The following KRAS variants were observed in gnomAD, a reference collection of about 807,000 sequenced individuals.
The protein encoded by KRAS is GTPase KRas.
Under a neutral mutation model 21.0 loss-of-function variants are expected in KRAS, and 1 was observed. That is an observed-to-expected ratio of 0.05 (90% CI 0.02 to 0.23). The LOEUF is 0.23. Ranked by LOEUF, KRAS falls within the 10% of genes least tolerant of loss-of-function variation. The pLI is 1.00. For missense variants in KRAS, 107 were observed against 221.8 expected, an observed-to-expected ratio of 0.48 and a Z score of 3.29; for synonymous variants, 67 against 72.5, an observed-to-expected ratio of 0.92 and a Z score of 0.39.
intron 2 of KRAS, among the ~76,000 whole-genome samples, chr12:25,244,345 C>A (rs1334486418): frequency 1.3e-5 from 2 of 152,112 alleles, no homozygotes; most frequent in Non-Finnish European, 2.9e-5. Flanking sequence ...CAATATAGGG[C>A]TATTTCAAAG....
chr12:25,250,881 C>T lies in KRAS; in HGVS notation c.-142G>A. The T allele has an allele frequency of 4.0e-6, 1 of 249,006 alleles. No homozygotes were observed. Among genetic ancestry groups the T allele is most frequent in the Non-Finnish European group, 7.6e-6 (1 of 131,894 alleles). 15.4% of individuals were successfully genotyped at this position (249,006 alleles called of 1,614,324 possible). On this transcript the variant is annotated 5_prime_UTR_variant, in exon 1 of 5. Coordinates refer to ENST00000311936, the MANE Select transcript of KRAS (RefSeq NM_004985.5). ...GCCGAGCCGCCGCCACCTTCGCCGC[C>T]GCCACTGCCGCCGCCGCTGCTGCCT... is the stretch of plus-strand genomic sequence containing the variant.
In KRAS at chr12:25,206,101, A is replaced by ATGTT. The variant is rs1951135951; in HGVS notation, c.*3690_*3693dup. On this transcript the variant is annotated 3_prime_UTR_variant, in exon 5 of 5. Coordinates refer to ENST00000311936, the MANE Select transcript of KRAS (RefSeq NM_004985.5). ...AAGTTATATACTGTTTGAAGAAAAAATGTTTAGAAGAAAAAAAAAATCAAT... is the reference window on the plus strand; with the variant it reads ...AAGTTATATACTGTTTGAAGAAAAAATGTTTGTTTAGAAGAAAAAAAAAATCAAT... 1 of 211,328 alleles carries ATGTT rather than the reference A, an allele frequency of 4.7e-6. No homozygotes were observed. The highest frequency in any genetic ancestry group is 7.1e-5 in the East Asian group (1 of 14,040). 13.1% of individuals were successfully genotyped at this position (211,328 alleles called of 1,614,324 possible). A position where few individuals can be genotyped will look rare whatever the true frequency, so the allele number is the denominator to read the frequency against.
intron 4 of KRAS, among the ~76,000 whole-genome samples, chr12:25,214,239 T>C (rs1353939825): frequency 6.6e-6 from 1 of 152,132 alleles, no homozygotes; most frequent in Non-Finnish European, 1.5e-5. Context: ...GGAAATAACA[T>C]GGTATTTATT....
intron 2 of KRAS, among the ~76,000 whole-genome samples, chr12:25,233,632 G>A (rs1047296980): frequency 3.9e-5 from 6 of 152,128 alleles, no homozygotes; most frequent in Non-Finnish European, 4.4e-5. Context: ...TTCCTTCATA[G>A]CATGTATTAT....
Position 25,250,878 on chromosome 12 carries a change from C to CGCCGCCACTGCCGCCGCCGCTGCT in KRAS, c.-163_-140dup. The CGCCGCCACTGCCGCCGCCGCTGCT allele has an allele frequency of 4.0e-6, 1 of 248,764 alleles. No homozygotes were observed. Among genetic ancestry groups the CGCCGCCACTGCCGCCGCCGCTGCT allele is most frequent in the Non-Finnish European group, 7.6e-6 (1 of 131,842 alleles). 15.4% of individuals were successfully genotyped at this position (248,764 alleles called of 1,614,324 possible). Reference sequence around the variant, plus strand: ...CTGGCCGAGCCGCCGCCACCTTCGCCGCCGCCACTGCCGCCGCCGCTGCTG... The same window carrying CGCCGCCACTGCCGCCGCCGCTGCT: ...CTGGCCGAGCCGCCGCCACCTTCGCCGCCGCCACTGCCGCCGCCGCTGCTGCCGCCACTGCCGCCGCCGCTGCTG... On this transcript the variant is annotated 5_prime_UTR_variant, in exon 1 of 5. Coordinates refer to ENST00000311936, the MANE Select transcript of KRAS (RefSeq NM_004985.5).
intron 2 of KRAS, among the ~76,000 whole-genome samples, chr12:25,243,556 A>G (rs939174679): frequency 3.9e-5 from 6 of 152,158 alleles, no homozygotes; most frequent in Non-Finnish European, 7.3e-5. Context: ...CCACTTTATC[A>G]CATTCATGAC....
At chr12:25,239,913 AC>A (rs1951590448) in intron 2 of KRAS, among the ~76,000 whole-genome samples, 1 of 152,094 alleles carries the variant, frequency 6.6e-6, no homozygotes, top group Non-Finnish European at 1.5e-5. Context: ...AGATCGCGCC[AC>A]TGCACTCCAG....
chr12:25,229,765 TG>T (rs1289862781), intron 2 of KRAS, among the ~76,000 whole-genome samples: 31 of 116,104 alleles, frequency 2.7e-4, no homozygotes, highest in Non-Finnish European at 3.4e-5. Flanking sequence ...ATAGTATTAA[TG>T]TATCTTTTTT....
chr12:25,248,920 A>T (rs190575665), intron 1 of KRAS, among the ~76,000 whole-genome samples: 1 of 152,276 alleles, frequency 6.6e-6, no homozygotes, highest in South Asian at 2.1e-4. Context: ...TCTGTAGTCT[A>T]TAACATGCAG....
intron 2 of KRAS, among the ~76,000 whole-genome samples, chr12:25,242,168 A>G (rs1043026577): frequency 3.9e-5 from 6 of 152,244 alleles, no homozygotes; most frequent in Non-Finnish European, 5.9e-5. Flanking sequence ...AAAGAGGGGC[A>G]TAATACTTGA....
In KRAS at chr12:25,225,740, A is replaced by G. The variant is rs1264149117; in HGVS notation, c.324T>C (p.Asp108=). Residue 108 remains aspartate, a synonymous_variant, in exon 4 of 5, where the codon GAT becomes GAC. Transcript: ENST00000311936. ...TATTTCCTACTAGGACCATAGGTAC[A>G]TCTTCAGAGTCCTTAACTCTTTTAA... ...EQIKRVKDSE[D]VPMVLVGNKC... The G allele has an allele frequency of 6.2e-7, 1 of 1,613,144 alleles. No individual in the cohort carries two copies. Among genetic ancestry groups the G allele is most frequent in the Non-Finnish European group, 8.5e-7 (1 of 1,179,494 alleles).
intron 4 of KRAS, chr12:25,215,630 T>C: frequency 7.5e-7 from 1 of 1,326,970 alleles, no homozygotes; most frequent in Middle Eastern, 1.8e-4. Context: ...GAAAGCCATG[T>C]GCAAGAAGTT....
intron 2 of KRAS, among the ~76,000 whole-genome samples, chr12:25,231,979 T>C (rs1179782960): frequency 6.6e-6 from 1 of 151,946 alleles, no homozygotes; most frequent in East Asian, 1.9e-4. Context: ...ATCCCTGGTA[T>C]ACACACGGCA....
intron 2 of KRAS, among the ~76,000 whole-genome samples, chr12:25,242,716 T>C (rs1382961903): frequency 6.6e-6 from 1 of 152,184 alleles, no homozygotes; most frequent in Non-Finnish European, 1.5e-5. Context: ...CTTACAAATC[T>C]GAATTAGTCT....
At chr12:25,221,506 G>A (rs1408596226) in intron 4 of KRAS, among the ~76,000 whole-genome samples, 1 of 151,896 alleles carries the variant, frequency 6.6e-6, no homozygotes, top group African/African-American at 2.4e-5. Flanking sequence ...CTCATTTCTG[G>A]GATTACAGGC....
rs1181687626 is a variant in KRAS, at chr12:25,242,346, CA to C, written c.111+2927del. Among the ~76,000 whole-genome samples the C allele has an allele frequency of 2.6e-5, 4 of 152,160 alleles. No homozygotes were observed. The East Asian group carries it at 7.7e-4, about 29-fold the overall frequency. On this transcript the variant is annotated intron_variant, in intron 2 of 4. Transcript: ENST00000311936. ...TCATTCTGATCTCTGTAACTACCTACATTTTTTTAAAACGAGACTTTTCCTC... is the reference window on the plus strand; with the variant it reads ...TCATTCTGATCTCTGTAACTACCTACTTTTTTTAAAACGAGACTTTTCCTC...
rs1314064126 is a variant in KRAS, at chr12:25,208,070, C to T, written c.*1725G>A. 4.3e-6 allele frequency: 1 copy of T among 233,182 alleles called. No individual in the cohort carries two copies. The highest frequency in any genetic ancestry group is 8.5e-6 in the Non-Finnish European group (1 of 118,006). The allele number at this position is 233,182 out of a possible 1,614,324, so 14.4% of individuals were successfully genotyped here. On this transcript the variant is annotated 3_prime_UTR_variant, in exon 5 of 5. Coordinates refer to ENST00000311936, the MANE Select transcript of KRAS (RefSeq NM_004985.5). ...TGCACAATTTTGCCCAAGACTGGCA[C>T]TGAAGATGGTGTAACATAGGTTAAA...
At chr12:25,223,168 T>A (rs964109603) in intron 4 of KRAS, among the ~76,000 whole-genome samples, 1 of 152,204 alleles carries the variant, frequency 6.6e-6, no homozygotes, top group African/African-American at 2.4e-5. Flanking sequence ...TTGTGAAATG[T>A]AAGCTAAAAT....
At chr12:25,232,242 G>A (rs1302692572) in intron 2 of KRAS, among the ~76,000 whole-genome samples, 2 of 152,094 alleles carry the variant, frequency 1.3e-5, no homozygotes, top group Non-Finnish European at 2.9e-5. Context: ...CTGCCCACAG[G>A]CCAAATCTTG....
Sources: allele counts gnomAD v4.1 joint callset (sites outside exome capture counted in the v4.1 genomes callset), GRCh38; gene constraint gnomAD v4.1.1; transcripts MANE v1.5; gene names NCBI Gene and HGNC (gene_info 2026-07-23, HGNC 2026-07-21).